The following TOPAZ1 variants were observed in gnomAD, a reference collection of about 807,000 sequenced individuals.
TOPAZ1 encodes the protein protein TOPAZ1.
TOPAZ1 carries 66 observed loss-of-function variants against 172.2 expected under a neutral mutation model. That is an observed-to-expected ratio of 0.38 (90% CI 0.31 to 0.47). The LOEUF (loss-of-function observed/expected upper bound fraction) is 0.47. Among genes scored for constraint, TOPAZ1 ranks in the 20% least tolerant of loss-of-function variants. TOPAZ1 has a pLI of 0.99. For synonymous variants in TOPAZ1, 681 were observed against 683.9 expected (o/e 1.00, Z 0.07); for missense variants, 1,822 against 1,972.4 (o/e 0.92, Z 1.44).
intron 2 of TOPAZ1, among the ~76,000 whole-genome samples, chr3:44,252,417 G>A (rs1402162720): frequency 6.6e-6 from 1 of 152,224 alleles, no homozygotes; most frequent in Non-Finnish European, 1.5e-5. Flanking sequence ...TGATCTGCCA[G>A]TAACCGTTGA....
intron 19 of TOPAZ1, among the ~76,000 whole-genome samples, chr3:44,328,863 A>G (rs544825253): frequency 1.4e-4 from 21 of 152,338 alleles, no homozygotes; most frequent in African/African-American, 4.8e-4. Context: ...CCTAGTTTCT[A>G]TATTTTATAA....
In TOPAZ1 at chr3:44,244,304, G is replaced by A. The variant is rs1178958056; in HGVS notation, c.1798G>A (p.Glu600Lys). 3.9e-6 allele frequency: 6 copies of A among 1,550,812 alleles called. No homozygotes were observed. The highest frequency in any genetic ancestry group is 1.7e-4 in the Middle Eastern group (1 of 5,988). The change falls in exon 2 of 20, where the codon GAA becomes AAA. Residue 600 changes from glutamate (E) to lysine (K), a missense_variant. By Grantham distance (56) the Glu-to-Lys change is moderately conservative. Coordinates refer to ENST00000309765, the MANE Select transcript of TOPAZ1 (RefSeq NM_001145030.2). ...GGATGATAAAAAGATAAAATCAGAG[G>A]AACTGAGCAGAAGAGGGTCAGAGGT... ...IKDDKKIKSE[E>K]LSRRGSEVIS...
At chr3:44,291,592 C>G (rs1234326653) in intron 12 of TOPAZ1, among the ~76,000 whole-genome samples, 1 of 139,956 alleles carries the variant, frequency 7.1e-6, no homozygotes, top group East Asian at 2.2e-4. Flanking sequence ...GACTCCGTCT[C>G]AAAAATAAAT....
intron 13 of TOPAZ1, 96 bp from the exon 14 acceptor site, chr3:44,305,051 A>T: frequency 1.2e-6 from 1 of 854,182 alleles, no homozygotes; most frequent in Non-Finnish European, 1.8e-6. Context: ...ATGTATATCT[A>T]ATGCCTAAAC....
chr3:44,303,981 A>C (rs1481548512), intron 12 of TOPAZ1, 34 bp from the exon 13 acceptor site: 1 of 1,314,546 alleles, frequency 7.6e-7, no homozygotes, highest in Non-Finnish European at 1.1e-6. Context: ...TAAGGGGTGA[A>C]TATAGTATAA....
chr3:44,262,589 C>A, intron 5 of TOPAZ1, 106 bp downstream of exon 5: 1 of 532,622 alleles, frequency 1.9e-6, no homozygotes, highest in Non-Finnish European at 3.3e-6. Flanking sequence ...GGGCTATATG[C>A]CATAAGCCAT....
downstream of TOPAZ1, among the ~76,000 whole-genome samples, chr3:44,335,501 A>G (rs1700713566): frequency 6.6e-6 from 1 of 152,000 alleles, no homozygotes; most frequent in Non-Finnish European, 1.5e-5. Context: ...GTGCACACCT[A>G]TAATCCCAGA....
intron 5 of TOPAZ1, among the ~76,000 whole-genome samples, chr3:44,265,159 A>G (rs535436011): frequency 2.6e-5 from 4 of 152,250 alleles, no homozygotes; most frequent in Non-Finnish European, 5.9e-5. Context: ...ATCACTATCC[A>G]TGGCAGATAG....
In TOPAZ1 at chr3:44,245,019, G is replaced by T. The variant is rs1220771229; in HGVS notation, c.2513G>T (p.Gly838Val). 40 of 1,551,578 alleles carry T rather than the reference G, an allele frequency of 2.6e-5. No individual in the cohort carries two copies. The highest frequency in any genetic ancestry group is 3.4e-5 in the Non-Finnish European group (39 of 1,147,010). ...TFRPVSSEVR[G>V]RKITKNFSEV... Reference sequence around the variant, plus strand: ...CGACCAGTGTCCAGTGAAGTTAGGGGTAGAAAAATAACTAAGAATTTTTCA... The same window carrying T: ...CGACCAGTGTCCAGTGAAGTTAGGGTTAGAAAAATAACTAAGAATTTTTCA... Residue 838 changes from glycine to valine, a missense_variant, in exon 2 of 20, where the codon GGT becomes GTT. This residue lies in a region of TOPAZ1 where 1,489 missense variants were observed against 1,490.8 expected (regional missense o/e 1.00). Transcript: ENST00000309765.
At chr3:44,324,403 C>G (rs1272661800) in intron 18 of TOPAZ1, among the ~76,000 whole-genome samples, 1 of 151,794 alleles carries the variant, frequency 6.6e-6, no homozygotes, top group Non-Finnish European at 1.5e-5. Context: ...CTTCTAGAAA[C>G]CATACACACA....
intron 2 of TOPAZ1, among the ~76,000 whole-genome samples, chr3:44,249,852 G>A (rs994437878): frequency 6.6e-6 from 1 of 152,120 alleles, no homozygotes; most frequent in South Asian, 2.1e-4. Flanking sequence ...TTTATAAGTA[G>A]GGTGATGCTA....
Position 44,305,106 on chromosome 3 carries a change from A to C in TOPAZ1, c.3865-41A>C, listed in dbSNP as rs1700319654. ...TGTTTGCATAAATGACATAGTTTTC[A>C]TTCTTTTTCTTTTTTGTTTTGTTTT... On this transcript the variant is annotated intron_variant, in intron 13 of 19. Coordinates refer to ENST00000309765, the MANE Select transcript of TOPAZ1 (RefSeq NM_001145030.2). 3 of 1,392,344 alleles carry C rather than the reference A, an allele frequency of 2.2e-6. No individual in the cohort carries two copies. The East Asian group carries it at 7.6e-5, about 35-fold the overall frequency. The allele number at this position is 1,392,344 out of a possible 1,614,324, so 86.2% of individuals were successfully genotyped here.
rs1699506168 is a variant in TOPAZ1 at position 44,243,050 on chromosome 3, C to T, written c.544C>T (p.Pro182Ser). Residue 182 changes from proline to serine, a missense_variant, in exon 2 of 20, where the codon CCT becomes TCT. Physicochemically the swap from Pro to Ser is moderately conservative, Grantham distance 74. This residue lies in a region of TOPAZ1 where 1,489 missense variants were observed against 1,490.8 expected (regional missense o/e 1.00). Coordinates refer to ENST00000309765, the MANE Select transcript of TOPAZ1 (RefSeq NM_001145030.2). ...NKKLKSLENP[P>S]LKITENEATQ... ...AAAACTTAAAAGCTTAGAAAACCCA[C>T]CTCTCAAAATAACCGAAAATGAGGC... The T allele has an allele frequency of 1.3e-6, 2 of 1,544,406 alleles. No homozygotes were observed. The highest frequency in any genetic ancestry group is 1.2e-5 in the South Asian group (1 of 81,362).
Position 44,241,929 on chromosome 3 carries a change from T to G in TOPAZ1, c.-125T>G, listed in dbSNP as rs1699480088. ...CACTTCCGCTTCCGGCCCCGGGCTG[T>G]GGTGACTGGCGGTGTGGGGTGGGTC... On this transcript the variant is annotated 5_prime_UTR_variant, in exon 1 of 20. Coordinates refer to ENST00000309765, the MANE Select transcript of TOPAZ1 (RefSeq NM_001145030.2). 1 of 912,720 alleles carries G rather than the reference T, an allele frequency of 1.1e-6. No individual in the cohort carries two copies. Among genetic ancestry groups the G allele is most frequent in the East Asian group, 2.8e-5 (1 of 35,106 alleles). 56.5% of individuals were successfully genotyped at this position (912,720 alleles called of 1,614,324 possible). A position where few individuals can be genotyped will look rare whatever the true frequency, so the allele number is the denominator to read the frequency against.
intron 5 of TOPAZ1, among the ~76,000 whole-genome samples, chr3:44,263,419 C>T (rs1699796311): frequency 6.6e-6 from 1 of 152,196 alleles, no homozygotes; most frequent in South Asian, 2.1e-4. Context: ...ATTACATCAC[C>T]ATGGGCTTCA....
chr3:44,286,291 A>C (rs968602270), intron 9 of TOPAZ1, among the ~76,000 whole-genome samples: 2 of 152,200 alleles, frequency 1.3e-5, no homozygotes, highest in African/African-American at 4.8e-5. Context: ...ACTGGCTAAC[A>C]TAGATTAACT....
In TOPAZ1 at chr3:44,243,969, T is replaced by C. The variant is rs1699524611; in HGVS notation, c.1463T>C (p.Met488Thr). 2 of 1,552,210 alleles carry C rather than the reference T, an allele frequency of 1.3e-6. No homozygotes were observed. Among genetic ancestry groups the C allele is most frequent in the Non-Finnish European group, 1.7e-6 (2 of 1,147,098 alleles). ...TTAAGCTGTCAGAGAACAATACCTA[T>C]GACTGGTAAAAGAACTTGGCCCTAT... Reference protein sequence around the residue: ...LKLSCQRTIPMTGKRTWPYYS... With the variant: ...LKLSCQRTIPTTGKRTWPYYS... Residue 488 changes from methionine to threonine, a missense_variant, in exon 2 of 20, where the codon ATG becomes ACG. Transcript: ENST00000309765.
intron 12 of TOPAZ1, among the ~76,000 whole-genome samples, chr3:44,291,772 T>C (rs1430980577): frequency 6.6e-6 from 1 of 152,128 alleles, no homozygotes; most frequent in African/African-American, 2.4e-5. Context: ...TCATAACTTT[T>C]TAAATGTAAT....
chr3:44,254,231 T>C (rs1342031869), intron 2 of TOPAZ1, among the ~76,000 whole-genome samples: 1 of 152,212 alleles, frequency 6.6e-6, no homozygotes, highest in Non-Finnish European at 1.5e-5. Context: ...ATATTCTTAA[T>C]CTTTAGACTG....
Sources: allele counts gnomAD v4.1 joint callset (sites outside exome capture counted in the v4.1 genomes callset), GRCh38; gene constraint gnomAD v4.1.1; regional missense constraint gnomAD v4.1.1; transcripts MANE v1.5; gene names NCBI Gene and HGNC (gene_info 2026-07-23, HGNC 2026-07-21).